SHROOM3: variants seen among roughly 807,000 people sequenced by gnomAD.
SHROOM3 encodes the protein protein Shroom3.
A neutral mutation model predicts 138.6 loss-of-function variants in SHROOM3; 47 were observed. The ratio of observed to expected loss-of-function variants is 0.34; its 90% CI spans 0.27 to 0.43. The LOEUF (loss-of-function observed/expected upper bound fraction) is 0.43, where lower values mean the gene tolerates loss of function less well. SHROOM3 is among the 20% of genes least tolerant of loss of function. The pLI is 1.00. For synonymous variants in SHROOM3, 1,062 were observed against 1,063.3 expected (o/e 1.00, Z 0.02); for missense variants, 2,491 against 2,596.5 (o/e 0.96, Z 0.88).
chr4:76,763,439 C>T (rs1578029188), intron 9 of SHROOM3, among the ~76,000 whole-genome samples: 1 of 151,884 alleles, frequency 6.6e-6, no homozygotes, highest in African/African-American at 2.4e-5. Flanking sequence ...GTGGCACACA[C>T]CTGTGGTCTG....
Position 76,730,865 on chromosome 4 carries a change from C to T in SHROOM3, c.517C>T (p.Pro173Ser), listed in dbSNP as rs202067002. 4 of 1,613,998 alleles carry T rather than the reference C, an allele frequency of 2.5e-6. No individual in the cohort carries two copies. The highest frequency in any genetic ancestry group is 2.7e-5 in the African/African-American group (2 of 74,908). ...WHTTKSGEKQPDASMMQISQG... is the reference protein window; with the variant it reads ...WHTTKSGEKQSDASMMQISQG... The stretch of plus-strand genomic sequence containing the variant: ...CACAACTAAATCTGGGGAGAAGCAA[C>T]CCGATGCCAGCATGATGCAGATATC... The change falls in exon 4 of 11, where the codon CCC becomes TCC. Residue 173 changes from proline (P) to serine (S), a missense_variant. Coordinates refer to ENST00000296043, the MANE Select transcript of SHROOM3 (RefSeq NM_020859.4).
In SHROOM3 at chr4:76,761,195, T is replaced by G. The variant is rs58977015; in HGVS notation, c.5349+1500T>G. ...CCTTTGTCCCCTTTCCTTCCAACCC[T>G]CTTTTATTCCCCAGTGTCTGCTGGT... On this transcript the variant is annotated intron_variant, in intron 9 of 10. Coordinates refer to ENST00000296043, the MANE Select transcript of SHROOM3 (RefSeq NM_020859.4). 1.5e-3 allele frequency among the ~76,000 whole-genome samples: 229 copies of G among 150,800 alleles called. 1 individual carries two copies. Among genetic ancestry groups the G allele is most frequent in the African/African-American group, 5.0e-3 (204 of 41,112 alleles).
chr4:76,757,473 T>A (rs1560617764), intron 8 of SHROOM3, among the ~76,000 whole-genome samples: 1 of 152,208 alleles, frequency 6.6e-6, no homozygotes, highest in Non-Finnish European at 1.5e-5. Context: ...CAGAGCTCGG[T>A]GCTGGGAAAG....
chr4:76,753,218 G>A (rs111692992), intron 6 of SHROOM3, among the ~76,000 whole-genome samples: 4,437 of 152,340 alleles, frequency 0.029, 94 homozygotes, highest in Non-Finnish European at 0.045. Context: ...ATCAGAGAGA[G>A]AGGTGGGCCC....
chr4:76,742,266 GGATTA>G, intron 5 of SHROOM3: 1 of 352,206 alleles, frequency 2.8e-6, no homozygotes, highest in Non-Finnish European at 5.4e-6. Flanking sequence ...TTTTTTTAAT[GGATTA>G]GAGTCTGGGT....
chr4:76,444,484 C>CTTTTTTT (rs61655085), intron 1 of SHROOM3, among the ~76,000 whole-genome samples: 13 of 60,148 alleles, frequency 2.2e-4, no homozygotes, highest in Non-Finnish European at 3.8e-4. Flanking sequence ...CTCTTTCTTT[C>CTTTTTTT]TTTTTTTTTT....
chr4:76,496,799 G>A (rs1009402456), intron 1 of SHROOM3, among the ~76,000 whole-genome samples: 2 of 151,880 alleles, frequency 1.3e-5, no homozygotes, highest in Non-Finnish European at 2.9e-5. Context: ...CTTTCCATTT[G>A]GCTTAAATGT....
Position 76,612,436 on chromosome 4 carries a change from G to A in SHROOM3, c.323+56673G>A, listed in dbSNP as rs55948142. Among the ~76,000 whole-genome samples the A allele has an allele frequency of 2.5e-3, 380 of 152,216 alleles. 2 individuals carry two copies. Among genetic ancestry groups the A allele is most frequent in the Non-Finnish European group, 4.4e-3 (296 of 68,028 alleles). On this transcript the variant is annotated intron_variant, in intron 2 of 10. Coordinates refer to ENST00000296043, the MANE Select transcript of SHROOM3 (RefSeq NM_020859.4). ...TAAGTTTTAACTCCCTTTAAATTGA[G>A]AATGAATCCCAGGGCCCAACATTAT...
chr4:76,697,936 A>G (rs1314738227), intron 2 of SHROOM3, among the ~76,000 whole-genome samples: 2 of 152,218 alleles, frequency 1.3e-5, no homozygotes, highest in Admixed American at 1.3e-4. Flanking sequence ...CCCTATAGTA[A>G]CTAAGAGAAA....
At chr4:76,769,120 G>GT (rs34293122) in intron 9 of SHROOM3, among the ~76,000 whole-genome samples, 85 of 147,562 alleles carry the variant, frequency 5.8e-4, no homozygotes, top group Non-Finnish European at 7.7e-4. Context: ...TTGTGTGTGT[G>GT]TTTTTTTTTT....
intron 2 of SHROOM3, chr4:76,689,727 C>T (rs1344369641): frequency 1.4e-5 from 14 of 985,460 alleles, no homozygotes; most frequent in Non-Finnish European, 1.7e-5. Flanking sequence ...CGGCTGGGCA[C>T]GGAGAGGGAG....
chr4:76,577,859 T>C lies in SHROOM3; in HGVS notation c.323+22096T>C, dbSNP rs75056887. On this transcript the variant is annotated intron_variant, in intron 2 of 10. Coordinates refer to ENST00000296043, the MANE Select transcript of SHROOM3 (RefSeq NM_020859.4). Reference sequence around the variant, plus strand: ...TCAAAACTATATTCATATAAGACAATGTTTCCATAAGCCCCAGGAAATTGG... The same window carrying C: ...TCAAAACTATATTCATATAAGACAACGTTTCCATAAGCCCCAGGAAATTGG... Among the ~76,000 whole-genome samples the C allele has an allele frequency of 8.8e-3, 1,343 of 152,304 alleles. 10 individuals are homozygous for C. The highest frequency in any genetic ancestry group is 0.014 in the Non-Finnish European group (940 of 68,026).
intron 2 of SHROOM3, among the ~76,000 whole-genome samples, chr4:76,606,729 T>TA (rs1399232208): frequency 2.6e-5 from 4 of 152,036 alleles, no homozygotes; most frequent in African/African-American, 9.7e-5. Context: ...CATACATACA[T>TA]ACGTACATAA....
rs532326753 is a variant in SHROOM3 at position 76,759,357 on chromosome 4, A to G, written c.5199-188A>G. On this transcript the variant is annotated intron_variant, in intron 8 of 10. Coordinates refer to ENST00000296043, the MANE Select transcript of SHROOM3 (RefSeq NM_020859.4). Reference sequence around the variant, plus strand: ...CTGCTTTTGGTGGTTTTCCATCCCAAGTTTGCCTGGCTTCAACAGCCCTGT... The same window carrying G: ...CTGCTTTTGGTGGTTTTCCATCCCAGGTTTGCCTGGCTTCAACAGCCCTGT... Among the ~76,000 whole-genome samples, 110 of 152,320 alleles carry G rather than the reference A, an allele frequency of 7.2e-4. No individual in the cohort carries two copies. The highest frequency in any genetic ancestry group is 2.6e-3 in the African/African-American group (108 of 41,574).
intron 3 of SHROOM3, 48 bp downstream of exon 3, chr4:76,710,335 T>C: frequency 1.2e-6 from 2 of 1,610,052 alleles, no homozygotes; most frequent in Non-Finnish European, 1.7e-6. Flanking sequence ...AAGAACCCAG[T>C]CCAAAAAGCC....
At chr4:76,556,787 G>A (rs1733491876) in intron 2 of SHROOM3, among the ~76,000 whole-genome samples, 1 of 152,202 alleles carries the variant, frequency 6.6e-6, no homozygotes, top group African/African-American at 2.4e-5. Context: ...TTAAAGACCT[G>A]CATTAATTCA....
chr4:76,714,856 G>T (rs1720326885), intron 3 of SHROOM3, among the ~76,000 whole-genome samples: 1 of 151,926 alleles, frequency 6.6e-6, no homozygotes, highest in Non-Finnish European at 1.5e-5. Context: ...TATCCTGTGG[G>T]TTATAATTCA....
At chr4:76,775,132 G>T (rs747701838) in intron 10 of SHROOM3, among the ~76,000 whole-genome samples, 3 of 151,932 alleles carry the variant, frequency 2.0e-5, no homozygotes, top group African/African-American at 7.3e-5. Flanking sequence ...CTGAGTCCCC[G>T]AAGTCCTTTG....
intron 2 of SHROOM3, among the ~76,000 whole-genome samples, chr4:76,687,045 G>A (rs899889341): frequency 6.6e-6 from 1 of 152,176 alleles, no homozygotes; most frequent in African/African-American, 2.4e-5. Context: ...GGTGGCTTTG[G>A]CGAAGGAAAG....
Sources: gnomAD v4.1 joint callset for allele counts (sites outside exome capture counted in the v4.1 genomes callset) on GRCh38, gnomAD v4.1.1 for gene constraint, MANE v1.5 for transcripts, NCBI Gene and HGNC (gene_info 2026-07-23, HGNC 2026-07-21) for gene names.